The following PAFAH1B1 variants were observed in gnomAD, a reference collection of about 807,000 sequenced individuals.
The protein encoded by PAFAH1B1 is platelet-activating factor acetylhydrolase IB subunit beta.
Under a neutral mutation model 57.5 loss-of-function variants are expected in PAFAH1B1, and 2 were observed. That is an observed-to-expected ratio of 0.03 (90% CI 0.01 to 0.11). The LOEUF (loss-of-function observed/expected upper bound fraction) is 0.11, where lower values mean the gene tolerates loss of function less well. PAFAH1B1 is among the 10% of genes least tolerant of loss of function. The pLI is 1.00. For synonymous variants in PAFAH1B1, 152 were observed against 169.6 expected (o/e 0.90, Z 0.81); for missense variants, 257 against 512.0 (o/e 0.50, Z 4.81).
At chr17:2,670,625 G>A (rs2069168798) in intron 6 of PAFAH1B1, among the ~76,000 whole-genome samples, 1 of 152,180 alleles carries the variant, frequency 6.6e-6, no homozygotes, top group Non-Finnish European at 1.5e-5. Flanking sequence ...TTTTGTTTGT[G>A]TTTTAATTTT....
At chr17:2,600,879 T>G (rs956582702) in intron 1 of PAFAH1B1, among the ~76,000 whole-genome samples, 1 of 151,884 alleles carries the variant, frequency 6.6e-6, no homozygotes, top group Non-Finnish European at 1.5e-5. Flanking sequence ...ATTACAGGCA[T>G]GTGCCACCAC....
chr17:2,638,129 C>T lies in PAFAH1B1; in HGVS notation c.-160C>T. On this transcript the variant is annotated 5_prime_UTR_variant, in exon 2 of 11. Coordinates refer to ENST00000397195, the MANE Select transcript of PAFAH1B1 (RefSeq NM_000430.4). ...ATGAATCTTACTTGTTGAATATCTT[C>T]TGGTTACTAGTTGGATTCATTTGTG... 1.7e-6 allele frequency: 1 copy of T among 574,250 alleles called. No individual in the cohort carries two copies. The highest frequency in any genetic ancestry group is 3.1e-6 in the Non-Finnish European group (1 of 317,790). 35.6% of individuals were successfully genotyped at this position (574,250 alleles called of 1,614,324 possible).
intron 1 of PAFAH1B1, among the ~76,000 whole-genome samples, chr17:2,598,343 T>C (rs954507332): frequency 2.0e-5 from 3 of 152,150 alleles, no homozygotes; most frequent in African/African-American, 7.2e-5. Flanking sequence ...TATCTTCCCA[T>C]TGAGTTCTAA....
chr17:2,672,425 G>A (rs1233673053), intron 6 of PAFAH1B1, among the ~76,000 whole-genome samples: 1 of 151,442 alleles, frequency 6.6e-6, no homozygotes. Context: ...TGTACAGGTT[G>A]AAATTTAATC....
At chr17:2,664,665 G>GCGCTCTCTCTCTCT in intron 2 of PAFAH1B1, among the ~76,000 whole-genome samples, 78 of 86,078 alleles carry the variant, frequency 9.1e-4, no homozygotes, top group African/African-American at 1.7e-3. Context: ...TCTATCTATC[G>GCGCTCTCTCTCTCT]CTCTCTCTCT....
At chr17:2,602,439 G>A (rs554315464) in intron 1 of PAFAH1B1, among the ~76,000 whole-genome samples, 57 of 151,970 alleles carry the variant, frequency 3.8e-4, no homozygotes, top group Non-Finnish European at 7.1e-4. Context: ...ACTTTACGTG[G>A]GACTCAACCT....
intron 1 of PAFAH1B1, among the ~76,000 whole-genome samples, chr17:2,627,732 ATTTG>A (rs2068510048): frequency 6.6e-6 from 1 of 152,078 alleles, no homozygotes; most frequent in African/African-American, 2.4e-5. Context: ...ATGTGTTTCC[ATTTG>A]TTTGTGTCAT....
At chr17:2,602,356 G>A (rs1476088669) in intron 1 of PAFAH1B1, among the ~76,000 whole-genome samples, 1 of 152,058 alleles carries the variant, frequency 6.6e-6, no homozygotes, top group African/African-American at 2.4e-5. Context: ...GACATCAAAT[G>A]TCACTAGCAC....
chr17:2,593,319 C>G (rs2068041800), upstream of PAFAH1B1: 1 of 152,366 alleles, frequency 6.6e-6, no homozygotes, highest in South Asian at 2.1e-4. Flanking sequence ...AGCGCAAAAG[C>G]AGGGCAGCGA....
chr17:2,654,299 C>T (rs528651710), intron 2 of PAFAH1B1, among the ~76,000 whole-genome samples: 1 of 151,662 alleles, frequency 6.6e-6, no homozygotes, highest in South Asian at 2.1e-4. Flanking sequence ...AATCAATTCT[C>T]CTGCCTCAAC....
rs559794308 is a variant in PAFAH1B1, at chr17:2,684,562, A to G, written c.*2760A>G. 1 of 152,764 alleles carries G rather than the reference A, an allele frequency of 6.5e-6. No homozygotes were observed. Among genetic ancestry groups the G allele is most frequent in the South Asian group, 2.1e-4 (1 of 4,830 alleles). The allele number at this position is 152,764 out of a possible 1,614,324, so 9.5% of individuals were successfully genotyped here. ...ACAGACATTCCAGTGCCACCCAAATATATATCTGTAACGTGCCCAAGAAAT... is the reference window on the plus strand; with the variant it reads ...ACAGACATTCCAGTGCCACCCAAATGTATATCTGTAACGTGCCCAAGAAAT... On this transcript the variant is annotated 3_prime_UTR_variant, in exon 11 of 11. Transcript: ENST00000397195.
intron 2 of PAFAH1B1, among the ~76,000 whole-genome samples, chr17:2,650,946 T>G (rs1213058642): frequency 2.0e-5 from 3 of 152,212 alleles, no homozygotes; most frequent in Non-Finnish European, 4.4e-5. Flanking sequence ...GAGTGAAAAC[T>G]GTCTTTTCCT....
chr17:2,673,626 G>A (rs780268448), intron 7 of PAFAH1B1: 256 of 186,048 alleles, frequency 1.4e-3, no homozygotes, highest in Non-Finnish European at 2.3e-3. Context: ...GCGACAGAGC[G>A]AGACTCCGTC....
rs1008670412 is a variant in PAFAH1B1 at position 2,683,189 on chromosome 17, G to T, written c.*1387G>T. On this transcript the variant is annotated 3_prime_UTR_variant, in exon 11 of 11. Coordinates refer to ENST00000397195, the MANE Select transcript of PAFAH1B1 (RefSeq NM_000430.4). ...ACATTTTACACAACCCGGATATGTT[G>T]TATATTTTGACCCAAAGTTACAGGT... 3.3e-5 allele frequency: 5 copies of T among 152,114 alleles called. No individual in the cohort carries two copies. The highest frequency in any genetic ancestry group is 1.2e-4 in the African/African-American group (5 of 41,436). 9.4% of individuals were successfully genotyped at this position (152,114 alleles called of 1,614,324 possible).
chr17:2,626,559 C>CG (rs2068494257), intron 1 of PAFAH1B1, among the ~76,000 whole-genome samples: 1 of 40,876 alleles, frequency 2.4e-5, no homozygotes, highest in Non-Finnish European at 6.9e-5. Context: ...TTCTTCCCCC[C>CG]CCCCCCCCCC....
rs142241253 is a variant in PAFAH1B1 at position 2,597,781 on chromosome 17, A to AGT, written c.-191+3792_-191+3793dup. Reference sequence around the variant, plus strand: ...TATACTAAGTAACAGAGAGACAGAAAGTGTGTGTGTGTGTGTGTCTGTCTG... The same window carrying AGT: ...TATACTAAGTAACAGAGAGACAGAAAGTGTGTGTGTGTGTGTGTGTCTGTCTG... On this transcript the variant is annotated intron_variant, in intron 1 of 10. Coordinates refer to ENST00000397195, the MANE Select transcript of PAFAH1B1 (RefSeq NM_000430.4). 0.28 allele frequency among the ~76,000 whole-genome samples: 42,266 copies of AGT among 150,816 alleles called. 6,034 individuals carry two copies. Among genetic ancestry groups the AGT allele is most frequent in the Middle Eastern group, 0.35 (103 of 294 alleles).
At chr17:2,669,544 C>G (rs1434116704) in intron 5 of PAFAH1B1, among the ~76,000 whole-genome samples, 1 of 152,174 alleles carries the variant, frequency 6.6e-6, no homozygotes. Flanking sequence ...CAGGCGTGAG[C>G]CACTGCGCCC....
At chr17:2,671,833 C>T (rs1300274129) in intron 6 of PAFAH1B1, among the ~76,000 whole-genome samples, 2 of 151,796 alleles carry the variant, frequency 1.3e-5, no homozygotes, top group Middle Eastern at 3.5e-3. Context: ...GAACTCCTGA[C>T]CTCAGGTGAT....
chr17:2,666,139 C>T lies in PAFAH1B1; in HGVS notation c.192+49C>T, dbSNP rs140548168. On this transcript the variant is annotated intron_variant, in intron 4 of 10. Coordinates refer to ENST00000397195, the MANE Select transcript of PAFAH1B1 (RefSeq NM_000430.4). ...AATTAGTTGTATTCAGTTATATAAA[C>T]TTTCTGAAAATAACATTCTTCTGCA... 2,569 of 1,315,518 alleles carry T rather than the reference C, an allele frequency of 2.0e-3. 31 individuals carry two copies. In the African/African-American group the frequency reaches 0.028, roughly 14 times the overall value. The allele number at this position is 1,315,518 out of a possible 1,614,324, so 81.5% of individuals were successfully genotyped here.
Sources: gnomAD v4.1 joint callset for allele counts (sites outside exome capture counted in the v4.1 genomes callset) on GRCh38, gnomAD v4.1.1 for gene constraint, MANE v1.5 for transcripts, NCBI Gene and HGNC (gene_info 2026-07-23, HGNC 2026-07-21) for gene names.